Variants in CFAP251 observed in about 807,000 individuals in gnomAD.
The protein encoded by CFAP251 is cilia and flagella associated protein 251.
Under a neutral mutation model 126.7 loss-of-function variants are expected in CFAP251, and 93 were observed. The observed-to-expected ratio is 0.73, with a 90% CI of 0.62 to 0.87. CFAP251 has a LOEUF of 0.87. Ranked by LOEUF, CFAP251 falls within the 40% of genes least tolerant of loss-of-function variation. The pLI, the probability that CFAP251 is intolerant of heterozygous loss-of-function variation, is 0.00. For synonymous variants in CFAP251, 503 were observed against 506.9 expected (o/e 0.99, Z 0.10); for missense variants, 1,287 against 1,389.2 (o/e 0.93, Z 1.17).
intron 19 of CFAP251, among the ~76,000 whole-genome samples, chr12:121,987,421 G>A (rs750143646): frequency 5.3e-5 from 8 of 152,022 alleles, no homozygotes; most frequent in Non-Finnish European, 8.8e-5. Context: ...TAAAAAGAAT[G>A]CAGGCGATAG....
chr12:122,003,807 G>A lies in CFAP251; in HGVS notation c.*43G>A. 1.4e-6 allele frequency: 2 copies of A among 1,473,660 alleles called. No individual in the cohort carries two copies. The highest frequency in any genetic ancestry group is 1.7e-4 in the Middle Eastern group (1 of 5,740). 91.3% of individuals were successfully genotyped at this position (1,473,660 alleles called of 1,614,324 possible). A position where few individuals can be genotyped will look rare whatever the true frequency, so the allele number is the denominator to read the frequency against. The stretch of plus-strand genomic sequence containing the variant: ...AAAGCACAAAGGACTTTGGGTGTGT[G>A]TGCATGCACATGTGTGTGTTTTCCA... On this transcript the variant is annotated 3_prime_UTR_variant, in exon 22 of 22. Transcript: ENST00000288912.
chr12:121,931,243 A>G (rs965630177), intron 3 of CFAP251, among the ~76,000 whole-genome samples: 1 of 152,148 alleles, frequency 6.6e-6, no homozygotes, highest in African/African-American at 2.4e-5. Context: ...TTTCTAATGG[A>G]GATATAATTA....
chr12:121,960,419 T>C (rs572650594), intron 13 of CFAP251, among the ~76,000 whole-genome samples, 166 bp from the exon 14 acceptor site: 1 of 152,246 alleles, frequency 6.6e-6, no homozygotes, highest in South Asian at 2.1e-4. Flanking sequence ...GGTTTTGCCA[T>C]ATTGGCCAGG....
At chr12:121,943,099 G>A in intron 7 of CFAP251, 124 bp downstream of exon 7, 1 of 980,216 alleles carries the variant, frequency 1.0e-6, no homozygotes, top group Non-Finnish European at 1.6e-6. Context: ...TATCACTTGA[G>A]GTCAGGAGTT....
Position 121,973,145 on chromosome 12 carries a change from C to T in CFAP251, c.2772-2099C>T, listed in dbSNP as rs536271506. On this transcript the variant is annotated intron_variant, in intron 17 of 21. Coordinates refer to ENST00000288912, the MANE Select transcript of CFAP251 (RefSeq NM_144668.6). ...GTGTGCTGCCTAGGGACTTGGTGCC[C>T]GGCATCCCAGCCACTCCAGTCATGG... 3.5e-4 allele frequency among the ~76,000 whole-genome samples: 53 copies of T among 152,274 alleles called. No individual in the cohort carries two copies. In the East Asian group the frequency reaches 6.4e-3, roughly 18 times the overall value.
Position 121,958,437 on chromosome 12 carries a change from G to A in CFAP251, c.1896G>A (p.Val632=). The A allele has an allele frequency of 6.2e-7, 1 of 1,614,242 alleles. No homozygotes were observed. ...AIGSICGMIK[V]WNYENKQYLF... Reference sequence around the variant, plus strand: ...GGAGCATCTGTGGGATGATCAAAGTGTGGAATTATGAAAACAAACAATATC... The same window carrying A: ...GGAGCATCTGTGGGATGATCAAAGTATGGAATTATGAAAACAAACAATATC... The change falls in exon 12 of 22, where the codon GTG becomes GTA. Residue 632 remains valine, a synonymous_variant. Coordinates refer to ENST00000288912, the MANE Select transcript of CFAP251 (RefSeq NM_144668.6).
chr12:121,958,921 G>C, intron 12 of CFAP251, 22 bp from the exon 13 acceptor site: 1 of 1,566,176 alleles, frequency 6.4e-7, no homozygotes, highest in Non-Finnish European at 8.6e-7. Flanking sequence ...CTTTTCCATC[G>C]TTCTCTGGCT....
At chr12:121,979,189 C>T (rs972068636) in intron 19 of CFAP251, among the ~76,000 whole-genome samples, 2 of 152,180 alleles carry the variant, frequency 1.3e-5, no homozygotes, top group African/African-American at 2.4e-5. Flanking sequence ...GAGTCTTGAA[C>T]GAGGACCTTA....
chr12:121,980,682 C>T (rs1305349733), intron 19 of CFAP251, among the ~76,000 whole-genome samples: 1 of 152,144 alleles, frequency 6.6e-6, no homozygotes, highest in African/African-American at 2.4e-5. Flanking sequence ...AGAAATGTTG[C>T]CTCAGATGTC....
chr12:121,952,240 T>TAAAAAAAAAAAA lies in CFAP251; in HGVS notation c.1320+730_1320+741dup, dbSNP rs558861973. Reference sequence around the variant, plus strand: ...AACACAGGCTAGACTTCGTTTCTACTAAAAAAAAAAAAAAAAAAAAAAAAA... The same window carrying TAAAAAAAAAAAA: ...AACACAGGCTAGACTTCGTTTCTACTAAAAAAAAAAAAAAAAAAAAAAAAAAAAAAAAAAAAA... On this transcript the variant is annotated intron_variant, in intron 9 of 21. Coordinates refer to ENST00000288912, the MANE Select transcript of CFAP251 (RefSeq NM_144668.6). Among the ~76,000 whole-genome samples, 40 of 92,080 alleles carry TAAAAAAAAAAAA rather than the reference T, an allele frequency of 4.3e-4. 2 individuals carry two copies. Among genetic ancestry groups the TAAAAAAAAAAAA allele is most frequent in the East Asian group, 7.6e-4 (2 of 2,634 alleles). 60.4% of individuals were successfully genotyped at this position (92,080 alleles called of 152,430 possible).
At chr12:121,951,241 A>C (rs1298364223) in intron 8 of CFAP251, 1 of 365,302 alleles carries the variant, frequency 2.7e-6, no homozygotes, top group East Asian at 4.0e-5. Context: ...TTTAATATAG[A>C]ACTCCATCTC....
chr12:121,918,920 C>G lies in CFAP251; in HGVS notation c.-21+225C>G, dbSNP rs1015908544. 6.6e-6 allele frequency among the ~76,000 whole-genome samples: 1 copy of G among 152,086 alleles called. No homozygotes were observed. The highest frequency in any genetic ancestry group is 1.9e-4 in the East Asian group (1 of 5,184). On this transcript the variant is annotated intron_variant, in intron 1 of 21. Transcript: ENST00000288912. This position sits in a 1 kb window ranked among gnomAD's most constrained non-coding sequence, Gnocchi z 4.3. Reference sequence around the variant, plus strand: ...ACCCCTGCCCCAAACCCCTGCGGCTCGAACCCGGCTGTCCAGACGCGCCGG... The same window carrying G: ...ACCCCTGCCCCAAACCCCTGCGGCTGGAACCCGGCTGTCCAGACGCGCCGG...
At chr12:121,939,253 T>C (rs1239675686) in intron 5 of CFAP251, among the ~76,000 whole-genome samples, 1 of 152,132 alleles carries the variant, frequency 6.6e-6, no homozygotes, top group East Asian at 1.9e-4. Flanking sequence ...CAACTTATGC[T>C]ACAGGGGACA....
chr12:121,970,618 T>C (rs148676207), intron 17 of CFAP251, among the ~76,000 whole-genome samples: 6 of 152,328 alleles, frequency 3.9e-5, no homozygotes, highest in Non-Finnish European at 4.4e-5. Context: ...AGGTTTTCAA[T>C]AAGTGTCATT....
chr12:121,930,084 G>T (rs971459478), intron 3 of CFAP251, among the ~76,000 whole-genome samples: 8 of 152,138 alleles, frequency 5.3e-5, no homozygotes, highest in Admixed American at 2.0e-4. Context: ...TTACCAACAC[G>T]CATGTAACTT....
At chr12:121,933,765 G>C (rs1486612740) in intron 4 of CFAP251, 1 of 153,058 alleles carries the variant, frequency 6.5e-6, no homozygotes, top group Non-Finnish European at 1.5e-5. Flanking sequence ...GCTGCAGTGA[G>C]CCAAGATTGT....
intron 19 of CFAP251, among the ~76,000 whole-genome samples, chr12:121,976,343 A>T (rs183475077): frequency 6.6e-6 from 1 of 152,146 alleles, no homozygotes; most frequent in Non-Finnish European, 1.5e-5. Flanking sequence ...ATTGATGCCT[A>T]CGCAGCCCTG....
intron 9 of CFAP251, chr12:121,953,779 T>C (rs906084935): frequency 8.8e-6 from 2 of 226,864 alleles, no homozygotes; most frequent in Non-Finnish European, 1.7e-5. Flanking sequence ...AACCAGAGCA[T>C]GCTTTGACTC....
chr12:121,984,163 A>G (rs1338735985), intron 19 of CFAP251, among the ~76,000 whole-genome samples: 1 of 152,218 alleles, frequency 6.6e-6, no homozygotes, highest in African/African-American at 2.4e-5. Flanking sequence ...AGTGTGGTAC[A>G]CTGAAGCCAA....
Sources: gnomAD v4.1 joint callset for allele counts (sites outside exome capture counted in the v4.1 genomes callset) on GRCh38, gnomAD v4.1.1 for gene constraint, Gnocchi (gnomAD v3.1) non-coding constraint, MANE v1.5 for transcripts, NCBI Gene and HGNC (gene_info 2026-07-23, HGNC 2026-07-21) for gene names.